The following ANKMY1 variants were observed in gnomAD, a reference collection of about 807,000 sequenced individuals.
ANKMY1 encodes ankyrin repeat and MYND domain-containing protein 1.
ANKMY1 carries 98 observed loss-of-function variants against 102.0 expected under a neutral mutation model. That is an observed-to-expected ratio of 0.96 (90% CI 0.82 to 1.14). ANKMY1 has a LOEUF of 1.14. Ranked by LOEUF, ANKMY1 falls within the 50% of genes most tolerant of loss-of-function variation. The pLI, the probability that ANKMY1 is intolerant of heterozygous loss-of-function variation, is 0.00. For synonymous variants in ANKMY1, 582 were observed against 559.9 expected, an observed-to-expected ratio of 1.04 and a Z score of -0.56; for missense variants, 1,330 against 1,347.6, an observed-to-expected ratio of 0.99 and a Z score of 0.20.
intron 15 of ANKMY1, among the ~76,000 whole-genome samples, chr2:240,490,508 T>C (rs2076522072): frequency 6.6e-6 from 1 of 152,196 alleles, no homozygotes; most frequent in Non-Finnish European, 1.5e-5. Flanking sequence ...TCCATCTTAA[T>C]TTCTTCGTTG....
intron 4 of ANKMY1, 39 bp downstream of exon 4, chr2:240,552,875 C>A (rs774476189): frequency 1.2e-6 from 2 of 1,612,814 alleles, no homozygotes; most frequent in South Asian, 1.1e-5. Context: ...ACACACACAG[C>A]CACTTCGACC....
Position 240,511,969 on chromosome 2 carries a change from G to T in ANKMY1, c.2178C>A (p.Ser726Arg), listed in dbSNP as rs941296462. ...LDLLPSSLKLSNEPGPPQAYY... is the reference protein window; with the variant it reads ...LDLLPSSLKLRNEPGPPQAYY... Reference sequence around the variant, plus strand: ...AGGCTTGGGGAGGGCCTGGCTCATTGCTGAGCTTCAGACTTGAGGGCAGCA... The same window carrying T: ...AGGCTTGGGGAGGGCCTGGCTCATTTCTGAGCTTCAGACTTGAGGGCAGCA... Residue 726 changes from serine (S) to arginine (R), a missense_variant, in exon 11 of 18, where the codon AGC becomes AGA. Physicochemically the swap from Ser to Arg is moderately radical, Grantham distance 110. Transcript: ENST00000401804. The T allele has an allele frequency of 8.3e-6, 13 of 1,563,068 alleles. No homozygotes were observed. The highest frequency in any genetic ancestry group is 1.1e-5 in the Non-Finnish European group (13 of 1,163,340).
At chr2:240,503,725 G>A (rs1046403682) in intron 13 of ANKMY1, among the ~76,000 whole-genome samples, 29 of 152,190 alleles carry the variant, frequency 1.9e-4, no homozygotes, top group African/African-American at 6.8e-4. Flanking sequence ...GCCATGTGTG[G>A]TGGGTTCACC....
At chr2:240,554,820 C>G in intron 3 of ANKMY1, 46 bp downstream of exon 3, 1 of 1,604,654 alleles carries the variant, frequency 6.2e-7, no homozygotes. Context: ...AGGCCAGCCA[C>G]CAGAGGCCCT....
At chr2:240,501,440 T>C (rs12993401) in intron 13 of ANKMY1, among the ~76,000 whole-genome samples, 39,576 of 152,064 alleles carry the variant, frequency 0.26, 6,125 homozygotes, top group East Asian at 0.66. Flanking sequence ...CCACCTGACA[T>C]GGGAGGAGGC....
In ANKMY1 at chr2:240,512,002, C is replaced by T; in HGVS notation, c.2146-1G>A. 1 of 1,538,384 alleles carries T rather than the reference C, an allele frequency of 6.5e-7. No homozygotes were observed. Among genetic ancestry groups the T allele is most frequent in the Non-Finnish European group, 8.7e-7 (1 of 1,153,688 alleles). On this transcript the variant is annotated splice_acceptor_variant, in intron 10 of 17. Coordinates refer to ENST00000401804, the MANE Select transcript of ANKMY1 (RefSeq NM_001282771.3). LOFTEE classifies it high-confidence loss of function. The stretch of plus-strand genomic sequence containing the variant: ...TCAGACTTGAGGGCAGCAGGTCCAG[C>T]TGTGTAAAACGGAGGGCTCCGCCAG...
At chr2:240,550,256 C>A (rs1181134336) in intron 4 of ANKMY1, among the ~76,000 whole-genome samples, 1 of 151,012 alleles carries the variant, frequency 6.6e-6, no homozygotes, top group South Asian at 2.1e-4. Flanking sequence ...GGTAAACTAT[C>A]GCAAGAACAA....
At chr2:240,531,892 T>C (rs1014309240) in intron 4 of ANKMY1, among the ~76,000 whole-genome samples, 5 of 152,186 alleles carry the variant, frequency 3.3e-5, no homozygotes, top group African/African-American at 1.2e-4. Context: ...GCAAATTTTA[T>C]CTCAATAAAA....
intron 15 of ANKMY1, among the ~76,000 whole-genome samples, chr2:240,494,859 CAGAGGGCACA>C (rs2077044956): frequency 6.6e-6 from 1 of 152,060 alleles, no homozygotes; most frequent in South Asian, 2.1e-4. Flanking sequence ...AGGCAAGAGA[CAGAGGGCACA>C]AGCTGTTCCA....
intron 4 of ANKMY1, among the ~76,000 whole-genome samples, chr2:240,544,043 A>T (rs2089680674): frequency 6.6e-6 from 1 of 152,212 alleles, no homozygotes; most frequent in South Asian, 2.1e-4. Context: ...AATTTTGTCC[A>T]ACTTAGACGT....
At chr2:240,511,044 C>T (rs560982181) in intron 11 of ANKMY1, among the ~76,000 whole-genome samples, 44 of 152,208 alleles carry the variant, frequency 2.9e-4, no homozygotes, top group Non-Finnish European at 6.0e-4. Context: ...AACAGACCTG[C>T]TCCTTCTCCC....
intron 4 of ANKMY1, among the ~76,000 whole-genome samples, chr2:240,535,682 C>T (rs1450589787): frequency 6.6e-6 from 1 of 152,126 alleles, no homozygotes; most frequent in African/African-American, 2.4e-5. Context: ...TCAAACAAAA[C>T]CCATCTGGTA....
intron 15 of ANKMY1, among the ~76,000 whole-genome samples, chr2:240,497,236 C>T (rs1234851497): frequency 6.6e-6 from 1 of 152,194 alleles, no homozygotes. Flanking sequence ...GGAGCTGCCA[C>T]CTCCTCCCCA....
At chr2:240,502,662 C>T (rs1400498282) in intron 13 of ANKMY1, among the ~76,000 whole-genome samples, 2 of 151,896 alleles carry the variant, frequency 1.3e-5, no homozygotes, top group African/African-American at 4.8e-5. Context: ...CCAGAGTGAC[C>T]ACCTCATCCA....
chr2:240,554,750 C>T, intron 3 of ANKMY1, 116 bp downstream of exon 3: 2 of 1,245,188 alleles, frequency 1.6e-6, no homozygotes, highest in Non-Finnish European at 2.3e-6. Flanking sequence ...AAACTTTAGC[C>T]TAGCACCCTT....
chr2:240,471,229 T>C, the ANKMY1 span, among the ~76,000 whole-genome samples: 3 of 150,534 alleles, frequency 2.0e-5, no homozygotes, highest in Non-Finnish European at 4.4e-5. Context: ...CTCAGAGAAA[T>C]CACAACGCCT....
intron 4 of ANKMY1, among the ~76,000 whole-genome samples, chr2:240,550,493 C>A (rs2091314654): frequency 6.6e-6 from 1 of 151,374 alleles, no homozygotes; most frequent in Non-Finnish European, 1.5e-5. Context: ...TGCACATGTA[C>A]CCTGAAACTT....
Position 240,520,422 on chromosome 2 carries a change from C to A in ANKMY1, c.1944G>T (p.Val648=). 3 of 1,609,828 alleles carry A rather than the reference C, an allele frequency of 1.9e-6. No individual in the cohort carries two copies. The highest frequency in any genetic ancestry group is 1.3e-5 in the African/African-American group (1 of 75,004). The change falls in exon 9 of 18, where the codon GTG becomes GTT. Residue 648 remains valine, a synonymous_variant. Coordinates refer to ENST00000401804, the MANE Select transcript of ANKMY1 (RefSeq NM_001282771.3). The surrounding 1 kb of genome is among the most constrained non-coding windows in gnomAD (Gnocchi z 4.8). ...GCTCCAGCAGCAGCCTCACCCCATC[C>A]ACGTCCCCGGCCTTCACAGCAAGGA... is the stretch of plus-strand genomic sequence containing the variant. The part of the protein sequence containing the change: ...VLFLAVKAGD[V]DGVRLLLEHG...
chr2:240,506,211 T>C lies in ANKMY1; in HGVS notation c.2526+1349A>G, dbSNP rs1235764125. ...CTGTATGTTCAAGGCACATTCAGCGTCCACACACAACAACGCTGCCCCCTG... is the reference window on the plus strand; with the variant it reads ...CTGTATGTTCAAGGCACATTCAGCGCCCACACACAACAACGCTGCCCCCTG... On this transcript the variant is annotated intron_variant, in intron 13 of 17. Transcript: ENST00000401804. This position sits in a 1 kb window ranked among gnomAD's most constrained non-coding sequence, Gnocchi z 4.9. Among the ~76,000 whole-genome samples, 1 of 152,202 alleles carries C rather than the reference T, an allele frequency of 6.6e-6. No homozygotes were observed. The highest frequency in any genetic ancestry group is 6.5e-5 in the Admixed American group (1 of 15,286).
Sources: allele counts gnomAD v4.1 joint callset (sites outside exome capture counted in the v4.1 genomes callset), GRCh38; gene constraint gnomAD v4.1.1; non-coding constraint Gnocchi (gnomAD v3.1); transcripts MANE v1.5; gene names NCBI Gene and HGNC (gene_info 2026-07-23, HGNC 2026-07-21).